Variants in SCTR observed in about 807,000 individuals in gnomAD.
The protein encoded by SCTR is pancreatic secretin receptor.
Under a neutral mutation model 60.8 loss-of-function variants are expected in SCTR, and 56 were observed. The observed-to-expected ratio is 0.92, with a 90% CI of 0.74 to 1.15. The LOEUF (loss-of-function observed/expected upper bound fraction) is 1.15, where lower values mean the gene tolerates loss of function less well. Among genes scored for constraint, SCTR ranks in the 50% most tolerant of loss-of-function variants. The pLI is 0.00. For synonymous variants in SCTR, 202 were observed against 217.0 expected (o/e 0.93, Z 0.61); for missense variants, 562 against 550.4 (o/e 1.02, Z -0.21).
chr2:119,494,588 ACT>A (rs751499639), intron 1 of SCTR, 40 bp from the exon 2 acceptor site: 45 of 1,609,868 alleles, frequency 2.8e-5, no homozygotes. Flanking sequence ...ATTGCCACTA[ACT>A]CAATTTTGCC....
At chr2:119,505,552 T>C (rs939459002) in intron 1 of SCTR, among the ~76,000 whole-genome samples, 2 of 152,240 alleles carry the variant, frequency 1.3e-5, no homozygotes, top group African/African-American at 4.8e-5. Context: ...TCATGTCCTT[T>C]GTAGGGACAT....
At chr2:119,479,017 C>A in intron 2 of SCTR, 99 bp from the exon 3 acceptor site, 1 of 1,544,692 alleles carries the variant, frequency 6.5e-7, no homozygotes, top group Non-Finnish European at 8.7e-7. Context: ...CCTGGAATTC[C>A]CACTAGACTA....
At chr2:119,465,742 G>A (rs945020755) in intron 5 of SCTR, 47 bp downstream of exon 5, 1 of 1,306,002 alleles carries the variant, frequency 7.7e-7, no homozygotes, top group Non-Finnish European at 1.1e-6. Flanking sequence ...CCCAAAGTCT[G>A]TACCTGAGGA....
At chr2:119,442,834 C>T (rs568689557) in intron 11 of SCTR, among the ~76,000 whole-genome samples, 27 of 152,212 alleles carry the variant, frequency 1.8e-4, no homozygotes, top group African/African-American at 6.5e-4. Context: ...CATCATGGTC[C>T]GGGAACTACT....
At chr2:119,514,029 G>GT (rs1679036591) in intron 1 of SCTR, among the ~76,000 whole-genome samples, 1 of 152,208 alleles carries the variant, frequency 6.6e-6, no homozygotes, top group African/African-American at 2.4e-5. Flanking sequence ...TCTCTGCAGG[G>GT]TGTATCACCC....
chr2:119,469,251 G>T (rs1449200131), intron 4 of SCTR, among the ~76,000 whole-genome samples: 1 of 152,168 alleles, frequency 6.6e-6, no homozygotes, highest in Non-Finnish European at 1.5e-5. Flanking sequence ...GAGGGTGTCA[G>T]CCTCACTCCT....
intron 1 of SCTR, among the ~76,000 whole-genome samples, chr2:119,511,633 T>C (rs1678951139): frequency 6.6e-6 from 1 of 152,178 alleles, no homozygotes; most frequent in Admixed American, 6.5e-5. Flanking sequence ...AGAGTTCTCC[T>C]TCCTCTTGCT....
chr2:119,521,716 C>T (rs1679291913), intron 1 of SCTR, among the ~76,000 whole-genome samples: 1 of 152,144 alleles, frequency 6.6e-6, no homozygotes, highest in Non-Finnish European at 1.5e-5. Context: ...TGCCTATAAT[C>T]TCCCTCAAGG....
chr2:119,505,714 C>T lies in SCTR; in HGVS notation c.73-11166G>A, dbSNP rs186652039. On this transcript the variant is annotated intron_variant, in intron 1 of 12. Coordinates refer to ENST00000019103, the MANE Select transcript of SCTR (RefSeq NM_002980.3). The stretch of plus-strand genomic sequence containing the variant: ...CACACCGGGGCCTGTTGTGGGGTGG[C>T]GGGAGGGGGGAGGGATAGCTTTAGG... Among the ~76,000 whole-genome samples, 123 of 48,668 alleles carry T rather than the reference C, an allele frequency of 2.5e-3. 1 individual carries two copies. In the Middle Eastern group the frequency reaches 0.069, roughly 27 times the overall value. The allele number at this position is 48,668 out of a possible 152,430, so 31.9% of individuals were successfully genotyped here.
intron 1 of SCTR, among the ~76,000 whole-genome samples, chr2:119,498,060 C>T (rs1469406011): frequency 6.6e-6 from 1 of 152,024 alleles, no homozygotes; most frequent in Non-Finnish European, 1.5e-5. Context: ...AAGATAAATC[C>T]TTAAAAGTCC....
rs1433051281 is a variant in SCTR at position 119,493,059 on chromosome 2, G to A, written c.193+1369C>T. Among the ~76,000 whole-genome samples the A allele has an allele frequency of 7.2e-5, 11 of 152,202 alleles. 1 individual carries two copies. The East Asian group carries it at 1.2e-3, about 16-fold the overall frequency. On this transcript the variant is annotated intron_variant, in intron 2 of 12. Coordinates refer to ENST00000019103, the MANE Select transcript of SCTR (RefSeq NM_002980.3). ...TTTAATAGAGATGGGGTTTCACCAT[G>A]TTGGCCAGGCTGGTCTTGAACTCCC...
chr2:119,511,669 G>C (rs569927051), intron 1 of SCTR, among the ~76,000 whole-genome samples: 6 of 152,132 alleles, frequency 3.9e-5, no homozygotes, highest in Non-Finnish European at 8.8e-5. Flanking sequence ...ATCTGGCTGT[G>C]GTTTGGGGTG....
intron 3 of SCTR, among the ~76,000 whole-genome samples, chr2:119,477,778 G>A (rs1388265909): frequency 6.6e-6 from 1 of 152,198 alleles, no homozygotes; most frequent in African/African-American, 2.4e-5. Context: ...GGACAAATTT[G>A]CATGAAGGCT....
At chr2:119,494,357 C>T (rs916579784) in intron 2 of SCTR, 71 bp downstream of exon 2, 5 of 1,546,774 alleles carry the variant, frequency 3.2e-6, no homozygotes, top group Non-Finnish European at 4.4e-6. Context: ...CCAGGATAAG[C>T]TCCCCCTGCC....
At chr2:119,444,162 TAC>T (rs1682767946) in intron 11 of SCTR, among the ~76,000 whole-genome samples, 1 of 142,324 alleles carries the variant, frequency 7.0e-6, no homozygotes, top group East Asian at 2.0e-4. Flanking sequence ...TATATATATA[TAC>T]ACATATGTAT....
chr2:119,510,599 T>C (rs996860091), intron 1 of SCTR, among the ~76,000 whole-genome samples: 4 of 152,200 alleles, frequency 2.6e-5, no homozygotes, highest in Non-Finnish European at 5.9e-5. Context: ...TATATATTCA[T>C]TAAATTTAAA....
intron 3 of SCTR, among the ~76,000 whole-genome samples, chr2:119,474,345 C>A (rs919686774): frequency 1.3e-5 from 2 of 152,210 alleles, no homozygotes; most frequent in African/African-American, 4.8e-5. Flanking sequence ...AGAGCACTTC[C>A]CCACTGGAGC....
In SCTR at chr2:119,524,431, C is replaced by T; in HGVS notation, c.-205G>A. On this transcript the variant is annotated 5_prime_UTR_variant, in exon 1 of 13. Transcript: ENST00000019103. ...GGCCGCGCGCGCTAAGCCGCCCGCC[C>T]CATTGATCAGGACGCGGCTTTGCCG... 2.6e-6 allele frequency: 1 copy of T among 379,042 alleles called. No individual in the cohort carries two copies. Among genetic ancestry groups the T allele is most frequent in the Non-Finnish European group, 4.7e-6 (1 of 214,790 alleles). 23.5% of individuals were successfully genotyped at this position (379,042 alleles called of 1,614,324 possible).
At chr2:119,446,666 G>C (rs913899068) in intron 11 of SCTR, 93 bp downstream of exon 11, 7 of 1,196,508 alleles carry the variant, frequency 5.9e-6, no homozygotes, top group Admixed American at 3.0e-5. Flanking sequence ...GCCAGATAAG[G>C]CATCTGGCTC....
Sources: allele counts gnomAD v4.1 joint callset (sites outside exome capture counted in the v4.1 genomes callset), GRCh38; gene constraint gnomAD v4.1.1; transcripts MANE v1.5; gene names NCBI Gene and HGNC (gene_info 2026-07-23, HGNC 2026-07-21).